Variants in KCNMA1 observed in about 807,000 individuals in gnomAD.
KCNMA1 encodes Calcium-activated potassium channel subunit alpha-1.
KCNMA1 carries 29 observed loss-of-function variants against 140.0 expected under a neutral mutation model. The observed-to-expected ratio is 0.21, with a 90% confidence interval of 0.15 to 0.28. The LOEUF is 0.28. Ranked by LOEUF, KCNMA1 falls within the 10% of genes least tolerant of loss-of-function variation. The probability of loss-of-function intolerance (pLI) is 1.00; values close to 1 mark genes in which losing one functional copy is unlikely to be tolerated. For missense variants in KCNMA1, 880 were observed against 1,602.2 expected, an observed-to-expected ratio of 0.55 and a Z score of 7.70; for synonymous variants, 612 against 611.9, an observed-to-expected ratio of 1.00 and a Z score of 0.00.
chr10:77,141,891 A>G (rs1387653865), intron 5 of KCNMA1, among the ~76,000 whole-genome samples: 2 of 152,212 alleles, frequency 1.3e-5, no homozygotes, highest in African/African-American at 2.4e-5. Context: ...GGATTAGTTC[A>G]TTCACCTGAC....
At chr10:77,381,124 G>A (rs114387378) in intron 2 of KCNMA1, among the ~76,000 whole-genome samples, 155 of 152,194 alleles carry the variant, frequency 1.0e-3, no homozygotes, top group African/African-American at 3.6e-3. Flanking sequence ...TCATCCATTC[G>A]TTCAACAGAT....
At position 77,480,000 on chromosome 10, in the gene KCNMA1, G is replaced by A. The variant is rs542655951; in HGVS notation, c.379-75977C>T. Among the ~76,000 whole-genome samples the A allele has an allele frequency of 2.0e-5, 3 of 152,304 alleles. No individual in the cohort carries two copies. In the South Asian group the frequency reaches 6.2e-4, roughly 32 times the overall value. On this transcript the variant is annotated intron_variant, in intron 1 of 27. Coordinates refer to ENST00000286628, the MANE Select transcript of KCNMA1 (RefSeq NM_001161352.2). ...ACACTTCAGATCTCAGAAAATACCT[G>A]CTCATCGATTATTGGATTGAATAGG... is the stretch of plus-strand genomic sequence containing the variant.
intron 1 of KCNMA1, among the ~76,000 whole-genome samples, chr10:77,616,957 T>C (rs2089782666): frequency 6.6e-6 from 1 of 152,166 alleles, no homozygotes; most frequent in African/African-American, 2.4e-5. Context: ...ACAACTATGA[T>C]TTAAGCCTGA....
chr10:77,199,314 C>T (rs1352085160), intron 3 of KCNMA1, among the ~76,000 whole-genome samples: 1 of 152,180 alleles, frequency 6.6e-6, no homozygotes, highest in African/African-American at 2.4e-5. Context: ...TTCAATAAGA[C>T]ATGATTCTTG....
chr10:77,446,295 C>T (rs188585059), intron 1 of KCNMA1, among the ~76,000 whole-genome samples: 1 of 152,206 alleles, frequency 6.6e-6, no homozygotes, highest in African/African-American at 2.4e-5. Flanking sequence ...GATAAGCCAT[C>T]CAGGCCAAAG....
intron 5 of KCNMA1, among the ~76,000 whole-genome samples, chr10:77,170,589 C>A (rs999461654): frequency 6.6e-6 from 1 of 151,688 alleles, no homozygotes; most frequent in African/African-American, 2.4e-5. Context: ...GGGAGAACAT[C>A]GGAGGTGAGA....
intron 2 of KCNMA1, among the ~76,000 whole-genome samples, chr10:77,402,396 C>A (rs1349227502): frequency 6.6e-6 from 1 of 152,212 alleles, no homozygotes; most frequent in African/African-American, 2.4e-5. Flanking sequence ...ACTGACCTCA[C>A]CAGTTTCTCT....
At chr10:77,505,430 A>G (rs537345680) in intron 1 of KCNMA1, among the ~76,000 whole-genome samples, 1 of 152,386 alleles carries the variant, frequency 6.6e-6, no homozygotes, top group Admixed American at 6.5e-5. Context: ...TAGTATTCCA[A>G]AAACCCTAAC....
At chr10:77,447,208 A>G (rs1022793367) in intron 1 of KCNMA1, among the ~76,000 whole-genome samples, 1 of 152,202 alleles carries the variant, frequency 6.6e-6, no homozygotes, top group South Asian at 2.1e-4. Flanking sequence ...GCCCAAAGGG[A>G]TCATCTCTGT....
At chr10:77,473,106 C>T (rs1321742168) in intron 1 of KCNMA1, among the ~76,000 whole-genome samples, 1 of 152,212 alleles carries the variant, frequency 6.6e-6, no homozygotes, top group African/African-American at 2.4e-5. Flanking sequence ...TCTGTCAGTT[C>T]CTAGTCTCCA....
intron 1 of KCNMA1, among the ~76,000 whole-genome samples, chr10:77,423,651 C>T (rs1023146138): frequency 2.6e-5 from 4 of 152,152 alleles, no homozygotes; most frequent in African/African-American, 7.2e-5. Context: ...TGAATGCCTT[C>T]TCTGCCTCTC....
intron 14 of KCNMA1, among the ~76,000 whole-genome samples, chr10:77,061,275 A>G (rs2095739877): frequency 6.6e-6 from 1 of 152,246 alleles, no homozygotes; most frequent in Non-Finnish European, 1.5e-5. Flanking sequence ...TACAAATTGT[A>G]TATCCAACGA....
intron 2 of KCNMA1, among the ~76,000 whole-genome samples, chr10:77,290,483 C>T (rs2072814122): frequency 1.3e-5 from 2 of 152,184 alleles, no homozygotes; most frequent in African/African-American, 2.4e-5. Flanking sequence ...CAGTGCCCTT[C>T]GTACTCCACT....
intron 16 of KCNMA1, among the ~76,000 whole-genome samples, chr10:77,027,003 A>T (rs140384263): frequency 3.3e-5 from 5 of 152,326 alleles, no homozygotes; most frequent in African/African-American, 1.2e-4. Context: ...AGAGGAATAG[A>T]CTGTGGGTGT....
intron 1 of KCNMA1, among the ~76,000 whole-genome samples, chr10:77,559,936 G>C (rs1034280158): frequency 2.6e-5 from 4 of 152,096 alleles, no homozygotes; most frequent in African/African-American, 9.7e-5. Context: ...CCAGCACTTT[G>C]GGAGGCTGAA....
At chr10:77,322,699 C>T (rs1237583183) in intron 2 of KCNMA1, among the ~76,000 whole-genome samples, 1 of 152,088 alleles carries the variant, frequency 6.6e-6, no homozygotes, top group African/African-American at 2.4e-5. Context: ...GATTTCATTG[C>T]AAATTTTCCT....
chr10:77,626,356 T>C (rs531267178), intron 1 of KCNMA1, among the ~76,000 whole-genome samples: 2 of 152,246 alleles, frequency 1.3e-5, no homozygotes, highest in East Asian at 3.9e-4. Flanking sequence ...CCATAATTCA[T>C]GGGCAGCTGA....
chr10:77,441,900 A>G (rs1471064525), intron 1 of KCNMA1, among the ~76,000 whole-genome samples: 3 of 151,298 alleles, frequency 2.0e-5, no homozygotes, highest in African/African-American at 7.3e-5. Flanking sequence ...GCAGGATTGG[A>G]GAGTAGGATT....
At chr10:77,533,824 T>G (rs1325591758) in intron 1 of KCNMA1, among the ~76,000 whole-genome samples, 1 of 152,200 alleles carries the variant, frequency 6.6e-6, no homozygotes. Context: ...GCTATAAATG[T>G]GTGACTGTTC....
Sources: allele counts gnomAD v4.1 joint callset (sites outside exome capture counted in the v4.1 genomes callset), GRCh38; gene constraint gnomAD v4.1.1; transcripts MANE v1.5; gene names NCBI Gene and HGNC (gene_info 2026-07-23, HGNC 2026-07-21).